GFAP: variants seen among roughly 807,000 people sequenced by gnomAD.
GFAP encodes glial fibrillary acidic protein.
Under a neutral mutation model 49.3 loss-of-function variants are expected in GFAP, and 38 were observed. That is an observed-to-expected ratio of 0.77 (90% confidence interval 0.60 to 1.01). GFAP has a LOEUF of 1.01. Among genes scored for constraint, GFAP ranks in the 50% least tolerant of loss-of-function variants. GFAP has a pLI of 0.00. For synonymous variants in GFAP, 222 were observed against 236.4 expected (o/e 0.94, Z 0.56); for missense variants, 463 against 579.1 (o/e 0.80, Z 2.06).
At chr17:44,907,578 C>A in intron 8 of GFAP, 190 bp from the exon 9 acceptor site, 2 of 659,248 alleles carry the variant, frequency 3.0e-6, no homozygotes, top group South Asian at 1.7e-5. Flanking sequence ...AAGCATTTAG[C>A]GTCATGCCTG....
rs200072112 is a variant in GFAP at position 44,913,793 on chromosome 17, C to T, written c.553G>A (p.Asp185Asn). The change falls in exon 3 of 9, where the codon GAT becomes AAT. Residue 185 changes from aspartate (D) to asparagine (N), a missense_variant. Coordinates refer to ENST00000588735, the MANE Select transcript of GFAP (RefSeq NM_002055.5). ...EADEATLARLDLERKIESLEE... is the reference protein window; with the variant it reads ...EADEATLARLNLERKIESLEE... ...AGCGACTCAATCTTCCTCTCCAGAT[C>T]CAGACGGGCCAGGGTGGCTTCATCT... 6.2e-7 allele frequency: 1 copy of T among 1,614,066 alleles called. No individual in the cohort carries two copies. Among genetic ancestry groups the T allele is most frequent in the South Asian group, 1.1e-5 (1 of 91,090 alleles).
rs1452161636 is a variant in GFAP, at chr17:44,904,289, G to A, written c.*3058C>T. 1 of 1,548,956 alleles carries A rather than the reference G, an allele frequency of 6.5e-7. No individual in the cohort carries two copies. Among genetic ancestry groups the A allele is most frequent in the East Asian group, 2.4e-5 (1 of 40,930 alleles). On this transcript the variant is annotated 3_prime_UTR_variant, in exon 9 of 9. Transcript: ENST00000588735. ...AATGGTGGCCACTTTCCAGGACAAG[G>A]GCCAGGAGCCCTTTGCAGATGAATA... is the stretch of plus-strand genomic sequence containing the variant.
At chr17:44,912,782 G>A (rs1483905033) in intron 4 of GFAP, 2 of 234,146 alleles carry the variant, frequency 8.5e-6, no homozygotes, top group Admixed American at 5.1e-5. Flanking sequence ...CACCTTCCAG[G>A]TCAGACACCT....
At position 44,913,371 on chromosome 17, in the gene GFAP, C is replaced by T; in HGVS notation, c.678G>A (p.Val226=). 1 of 1,614,144 alleles carries T rather than the reference C, an allele frequency of 6.2e-7. No homozygotes were observed. Among genetic ancestry groups the T allele is most frequent in the South Asian group, 1.1e-5 (1 of 91,080 alleles). ...ARQQVHVELD[V]AKPDLTAALK... ...GGGCTGCGGTGAGGTCTGGCTTGGC[C>T]ACGTCAAGCTCCACATGGACCTGCT... is the stretch of plus-strand genomic sequence containing the variant. Residue 226 remains valine (V), a synonymous_variant, in exon 4 of 9, where the codon GTG becomes GTA. Transcript: ENST00000588735.
chr17:44,913,681 A>T, intron 3 of GFAP, 47 bp downstream of exon 3: 1 of 1,361,208 alleles, frequency 7.3e-7, no homozygotes, highest in Non-Finnish European at 1.1e-6. Context: ...TCCCTCTCTC[A>T]GTTGCAATCT....
At position 44,903,606 on chromosome 17, in the gene GFAP, C is replaced by G. The variant is rs144369192; in HGVS notation, c.*3741G>C. ...AGGTTCTAGAATGGCTTTCCCCCCC[C>G]ACCCTGAGATCAGGTCTGGAATGTT... On this transcript the variant is annotated 3_prime_UTR_variant, in exon 9 of 9. Coordinates refer to ENST00000588735, the MANE Select transcript of GFAP (RefSeq NM_002055.5). 59 of 1,404,854 alleles carry G rather than the reference C, an allele frequency of 4.2e-5. No homozygotes were observed. Among genetic ancestry groups the G allele is most frequent in the East Asian group, 1.3e-4 (5 of 38,270 alleles). 87.0% of individuals were successfully genotyped at this position (1,404,854 alleles called of 1,614,324 possible).
intron 5 of GFAP, 85 bp from the exon 6 acceptor site, chr17:44,911,541 C>A: frequency 6.4e-7 from 1 of 1,553,322 alleles, no homozygotes; most frequent in Non-Finnish European, 8.7e-7. Flanking sequence ...CCAGGCCCCG[C>A]CTCTAGCCCG....
Position 44,903,267 on chromosome 17 carries a change from G to A in GFAP, c.*4080C>T. Reference sequence around the variant, plus strand: ...ATGAATGGACATGTAATCAACAAATGATCAAATACTACATCATTTGAGGTG... The same window carrying A: ...ATGAATGGACATGTAATCAACAAATAATCAAATACTACATCATTTGAGGTG... On this transcript the variant is annotated 3_prime_UTR_variant, in exon 9 of 9. Coordinates refer to ENST00000588735, the MANE Select transcript of GFAP (RefSeq NM_002055.5). 2.4e-6 allele frequency: 3 copies of A among 1,249,604 alleles called. No homozygotes were observed. The highest frequency in any genetic ancestry group is 3.0e-6 in the Non-Finnish European group (3 of 997,964). 77.4% of individuals were successfully genotyped at this position (1,249,604 alleles called of 1,614,324 possible).
At position 44,908,516 on chromosome 17, in the gene GFAP, C is replaced by T. The variant is rs144263581; in HGVS notation, c.1172-367G>A. ...AGGCTGAGGCAGGTGGATCACCTGA[C>T]GCCAGGAGTTCGAGACCAGCCTGGC... On this transcript the variant is annotated intron_variant, in intron 7 of 8. Coordinates refer to ENST00000588735, the MANE Select transcript of GFAP (RefSeq NM_002055.5). 1,115 of 173,190 alleles carry T rather than the reference C, an allele frequency of 6.4e-3. 13 individuals carry two copies. The highest frequency in any genetic ancestry group is 0.025 in the African/African-American group (1,042 of 42,116). 10.7% of individuals were successfully genotyped at this position (173,190 alleles called of 1,614,324 possible).
At chr17:44,908,747 G>A (rs2051693699) in intron 7 of GFAP, 1 of 152,414 alleles carries the variant, frequency 6.6e-6, no homozygotes, top group African/African-American at 2.4e-5. Flanking sequence ...TGTAGTCCCA[G>A]CTACTCAGGA....
Position 44,915,043 on chromosome 17 carries a change from CAGG to C in GFAP, c.441_443del (p.Asp147_Leu148delinsGlu). The C allele has an allele frequency of 6.2e-7, 1 of 1,611,698 alleles. No individual in the cohort carries two copies. The highest frequency in any genetic ancestry group is 8.5e-7 in the Non-Finnish European group (1 of 1,179,710). On this transcript the variant is annotated inframe_deletion, in exon 1 of 9. Coordinates refer to ENST00000588735, the MANE Select transcript of GFAP (RefSeq NM_002055.5). The surrounding 1 kb of genome is among the most constrained non-coding windows in gnomAD (Gnocchi z 4.1). Reference sequence around the variant, plus strand: ...CTCCTCACTTCTGCCTCACAGTGGCCAGGTCCTGTGCCAGATTGTCCCTCTCAA... The same window carrying C: ...CTCCTCACTTCTGCCTCACAGTGGCCTCCTGTGCCAGATTGTCCCTCTCAA...
chr17:44,908,396 C>CGACCACCGAGAT, intron 7 of GFAP: 1 of 434,696 alleles, frequency 2.3e-6, no homozygotes. Context: ...CAAGCCCTGG[C>CGACCACCGAGAT]CTGGCACCTG....
Position 44,907,388 on chromosome 17 carries a change from C to T in GFAP, c.1258G>A (p.Val420Ile), listed in dbSNP as rs1271470332. The T allele has an allele frequency of 6.2e-7, 1 of 1,611,966 alleles. No individual in the cohort carries two copies. The change falls in exon 9 of 9, where the codon GTC becomes ATC. Residue 420 changes from valine to isoleucine, a missense_variant and splice_region_variant. By Grantham distance (29) the Val-to-Ile change is conservative (BLOSUM62 3). Coordinates refer to ENST00000588735, the MANE Select transcript of GFAP (RefSeq NM_002055.5). ...TGCTCCTGCTTGGACTCCTTAATGA[C>T]CTGCAGGGGACAGGGAACGTGCACA... ...VKTVEMRDGEVIKESKQEHKD... is the reference protein window; with the variant it reads ...VKTVEMRDGEIIKESKQEHKD...
Position 44,914,070 on chromosome 17 carries a change from G to T in GFAP, c.480C>A (p.Asn160Lys). The T allele has an allele frequency of 6.4e-7, 1 of 1,556,280 alleles. No individual in the cohort carries two copies. Among genetic ancestry groups the T allele is most frequent in the Non-Finnish European group, 8.7e-7 (1 of 1,149,188 alleles). Residue 160 changes from asparagine (N) to lysine (K), a missense_variant, in exon 2 of 9, where the codon AAC (asparagine) becomes AAA (lysine). Physicochemically the swap from Asn to Lys is moderately conservative, Grantham distance 94. Transcript: ENST00000588735. Reference protein sequence around the residue: ...TVRQKLQDETNLRLEAENNLA... With the variant: ...TVRQKLQDETKLRLEAENNLA... ...GGTTGTTCTCGGCTTCCAGCCTCAG[G>T]TTGGTTTCATCCTGGAGCCTGGAGT...
In GFAP at chr17:44,904,851, G is replaced by A; in HGVS notation, c.*2496C>T. On this transcript the variant is annotated 3_prime_UTR_variant, in exon 9 of 9. Transcript: ENST00000588735. ...CGCTTCACCCAGCTGGATGACCGGG[G>A]CATCTACTATTGCTGGAGGCAGGGT... The A allele has an allele frequency of 6.4e-7, 1 of 1,550,630 alleles. No individual in the cohort carries two copies. Among genetic ancestry groups the A allele is most frequent in the Non-Finnish European group, 8.7e-7 (1 of 1,146,958 alleles).
rs1156587722 is a variant in GFAP, at chr17:44,903,293, T to C, written c.*4054A>G. On this transcript the variant is annotated 3_prime_UTR_variant, in exon 9 of 9. Transcript: ENST00000588735. ...ATCAAATACTACATCATTTGAGGTG[T>C]TGAATTTTCCCCTAGAGACTCAGTT... is the stretch of plus-strand genomic sequence containing the variant. The C allele has an allele frequency of 8.0e-7, 1 of 1,245,644 alleles. No individual in the cohort carries two copies. Among genetic ancestry groups the C allele is most frequent in the African/African-American group, 1.5e-5 (1 of 64,564 alleles). The allele number at this position is 1,245,644 out of a possible 1,614,324, so 77.2% of individuals were successfully genotyped here. A position where few individuals can be genotyped will look rare whatever the true frequency, so the allele number is the denominator to read the frequency against.
chr17:44,911,488 C>T (rs761559312), intron 5 of GFAP, 32 bp from the exon 6 acceptor site: 1 of 1,575,874 alleles, frequency 6.3e-7, no homozygotes, highest in Non-Finnish European at 8.6e-7. Context: ...TCCCGCGGAG[C>T]CCCGACCCGA....
chr17:44,907,968 A>T, intron 8 of GFAP, 96 bp downstream of exon 8: 1 of 855,358 alleles, frequency 1.2e-6, no homozygotes, highest in African/African-American at 1.6e-5. Flanking sequence ...GTTGCTGGGA[A>T]CCTTCTATGT....
chr17:44,911,584 G>A, intron 5 of GFAP, 88 bp downstream of exon 5: 14 of 1,585,456 alleles, frequency 8.8e-6, no homozygotes, highest in Non-Finnish European at 1.1e-5. Context: ...CTCGACCCAG[G>A]TCCTCGTCCC....
Sources: allele counts gnomAD v4.1 joint callset, GRCh38; gene constraint gnomAD v4.1.1; non-coding constraint Gnocchi (gnomAD v3.1); transcripts MANE v1.5; gene names NCBI Gene and HGNC (gene_info 2026-07-23, HGNC 2026-07-21).